Variants in KIAA1549 observed in about 807,000 individuals in gnomAD.
The protein encoded by KIAA1549 is UPF0606 protein KIAA1549.
Under a neutral mutation model 156.4 loss-of-function variants are expected in KIAA1549, and 70 were observed. The observed-to-expected ratio is 0.45, with a 90% confidence interval of 0.37 to 0.55. The LOEUF is 0.55. Among genes scored for constraint, KIAA1549 ranks in the 20% least tolerant of loss-of-function variants. KIAA1549 has a pLI of 0.00. For missense variants in KIAA1549, 2,428 were observed against 2,540.9 expected, an observed-to-expected ratio of 0.96 and a Z score of 0.96; for synonymous variants, 1,103 against 1,066.4, an observed-to-expected ratio of 1.03 and a Z score of -0.67.
Position 138,861,251 on chromosome 7 carries a change from G to A in KIAA1549, c.5135C>T (p.Pro1712Leu). 1.9e-6 allele frequency: 3 copies of A among 1,611,282 alleles called. No homozygotes were observed. Among genetic ancestry groups the A allele is most frequent in the Non-Finnish European group, 2.5e-6 (3 of 1,179,308 alleles). Residue 1712 changes from proline to leucine, a missense_variant, in exon 16 of 20, where the codon CCC (proline) becomes CTC (leucine). Physicochemically the swap from Pro to Leu is moderately conservative, Grantham distance 98. Coordinates refer to ENST00000422774, the MANE Select transcript of KIAA1549 (RefSeq NM_001164665.2). The stretch of plus-strand genomic sequence containing the variant: ...TGCGGGCAGGCCGGGTGGGACTCCG[G>A]GGCCTACACCTGCGGTGCTGGCAGG... ...SQPASTAGVG[P>L]GVPPGLPANS...
chr7:138,916,682 G>A, intron 2 of KIAA1549, 66 bp downstream of exon 2: 2 of 1,579,368 alleles, frequency 1.3e-6, no homozygotes, highest in Non-Finnish European at 1.7e-6. Context: ...AGCCTCACAG[G>A]CACTGCACAC....
intron 1 of KIAA1549, among the ~76,000 whole-genome samples, chr7:138,950,655 G>A (rs1419013849): frequency 6.6e-6 from 1 of 152,210 alleles, no homozygotes; most frequent in Admixed American, 6.5e-5. Flanking sequence ...CATCTTCCAT[G>A]CTGCTTCCAG....
At chr7:138,939,873 G>A (rs1045616061) in intron 1 of KIAA1549, among the ~76,000 whole-genome samples, 9 of 152,222 alleles carry the variant, frequency 5.9e-5, no homozygotes, top group African/African-American at 9.6e-5. Context: ...CCAGCCGGGC[G>A]TGGTGGCTCA....
At chr7:138,943,717 C>T (rs370769846) in intron 1 of KIAA1549, among the ~76,000 whole-genome samples, 5 of 152,096 alleles carry the variant, frequency 3.3e-5, no homozygotes, top group East Asian at 3.9e-4. Flanking sequence ...GGTGTAGTGG[C>T]GGGCACCTGT....
intron 11 of KIAA1549, 96 bp downstream of exon 11, chr7:138,881,292 G>A (rs886672833): frequency 1.4e-5 from 17 of 1,250,958 alleles, no homozygotes; most frequent in Admixed American, 6.5e-5. Context: ...ATGCAGGGCT[G>A]CGCTCACCAT....
At chr7:138,944,665 A>G (rs1031558324) in intron 1 of KIAA1549, among the ~76,000 whole-genome samples, 5 of 145,678 alleles carry the variant, frequency 3.4e-5, no homozygotes, top group Non-Finnish European at 7.6e-5. Flanking sequence ...TAATGAATGG[A>G]AAAAAAAAAA....
At chr7:138,978,474 T>C (rs1345806526) in intron 1 of KIAA1549, among the ~76,000 whole-genome samples, 1 of 146,794 alleles carries the variant, frequency 6.8e-6, no homozygotes, top group Non-Finnish European at 1.5e-5. Context: ...AAGACCAAAC[T>C]TGTAAATTTT....
intron 19 of KIAA1549, among the ~76,000 whole-genome samples, chr7:138,839,170 C>A (rs1304494066): frequency 6.6e-6 from 1 of 152,098 alleles, no homozygotes; most frequent in African/African-American, 2.4e-5. Context: ...AAGTTAATGT[C>A]TTTTTACTAG....
chr7:138,876,438 T>C (rs1019676606), intron 12 of KIAA1549: 1 of 152,238 alleles, frequency 6.6e-6, no homozygotes, highest in Non-Finnish European at 1.5e-5. Flanking sequence ...CCTTTCAATT[T>C]TAGTCTATAT....
At position 138,899,540 on chromosome 7, in the gene KIAA1549, A is replaced by C. The variant is rs536715721; in HGVS notation, c.3670-408T>G. Among the ~76,000 whole-genome samples the C allele has an allele frequency of 3.9e-5, 6 of 152,266 alleles. No homozygotes were observed. In the South Asian group the frequency reaches 1.2e-3, roughly 32 times the overall value. On this transcript the variant is annotated intron_variant, in intron 8 of 19. Transcript: ENST00000422774. ...GTTCTCTGAAACTATTAATGGTTCTACCCAATCCTTTCTTCAGCCTATTGG... is the reference window on the plus strand; with the variant it reads ...GTTCTCTGAAACTATTAATGGTTCTCCCCAATCCTTTCTTCAGCCTATTGG...
intron 17 of KIAA1549, among the ~76,000 whole-genome samples, chr7:138,845,429 T>A (rs949384795): frequency 2.6e-5 from 4 of 152,132 alleles, no homozygotes; most frequent in Non-Finnish European, 4.4e-5. Flanking sequence ...CTTAAAAAAA[T>A]ATTGCAGGCA....
intron 16 of KIAA1549, among the ~76,000 whole-genome samples, chr7:138,859,676 T>C (rs1196831664): frequency 1.1e-4 from 17 of 152,174 alleles, no homozygotes. Flanking sequence ...AAACTCCAGA[T>C]GCAACCTGGG....
chr7:138,849,922 C>G (rs1810190280), intron 17 of KIAA1549, among the ~76,000 whole-genome samples: 1 of 152,126 alleles, frequency 6.6e-6, no homozygotes, highest in Non-Finnish European at 1.5e-5. Context: ...GCATAGTATT[C>G]CATTGTGTAT....
At chr7:138,916,170 G>A (rs886997997) in intron 2 of KIAA1549, among the ~76,000 whole-genome samples, 1 of 152,166 alleles carries the variant, frequency 6.6e-6, no homozygotes, top group African/African-American at 2.4e-5. Flanking sequence ...GCATTTACAG[G>A]GACCTATGAG....
At chr7:138,884,599 A>C (rs532027859) in intron 10 of KIAA1549, among the ~76,000 whole-genome samples, 249 of 152,330 alleles carry the variant, frequency 1.6e-3, no homozygotes, top group African/African-American at 5.7e-3. Context: ...CGAACAATAA[A>C]ATCTGGTTAA....
At chr7:138,943,610 G>A (rs1401919873) in intron 1 of KIAA1549, among the ~76,000 whole-genome samples, 1 of 152,160 alleles carries the variant, frequency 6.6e-6, no homozygotes, top group Non-Finnish European at 1.5e-5. Context: ...AGCACTTTGG[G>A]AGGCCAAGGC....
chr7:138,869,447 G>A, intron 14 of KIAA1549, 91 bp downstream of exon 14: 1 of 985,090 alleles, frequency 1.0e-6, no homozygotes. Context: ...CACAGGCCCT[G>A]CAGTAGCAGA....
At chr7:138,886,285 T>C (rs1811388611) in intron 10 of KIAA1549, among the ~76,000 whole-genome samples, 1 of 152,170 alleles carries the variant, frequency 6.6e-6, no homozygotes, top group South Asian at 2.1e-4. Context: ...AAGGTCTTTT[T>C]TTTTCATTTG....
intron 1 of KIAA1549, among the ~76,000 whole-genome samples, chr7:138,980,877 C>G (rs1306909957): frequency 6.6e-6 from 1 of 152,246 alleles, no homozygotes; most frequent in Non-Finnish European, 1.5e-5. Flanking sequence ...CGGCCAGAAG[C>G]CGCTCGCTTG....
Sources: gnomAD v4.1 joint callset for allele counts (sites outside exome capture counted in the v4.1 genomes callset) on GRCh38, gnomAD v4.1.1 for gene constraint, MANE v1.5 for transcripts, NCBI Gene and HGNC (gene_info 2026-07-23, HGNC 2026-07-21) for gene names.